The following GPC6 variants were observed in gnomAD, a reference collection of about 807,000 sequenced individuals.
GPC6 encodes glypican-6.
In GPC6, 14 loss-of-function variants were observed where a neutral mutation model predicts 55.2. The observed-to-expected ratio is 0.25, with a 90% CI of 0.17 to 0.40. The LOEUF (loss-of-function observed/expected upper bound fraction) is 0.40. Among genes scored for constraint, GPC6 ranks in the 10% least tolerant of loss-of-function variants. GPC6 has a pLI of 1.00. For synonymous variants in GPC6, 278 were observed against 259.6 expected, an observed-to-expected ratio of 1.07 and a Z score of -0.68; for missense variants, 641 against 708.5, an observed-to-expected ratio of 0.90 and a Z score of 1.08.
chr13:94,062,640 T>C (rs1884372026), intron 4 of GPC6, among the ~76,000 whole-genome samples: 4 of 152,222 alleles, frequency 2.6e-5, no homozygotes, highest in African/African-American at 9.6e-5. Context: ...TAAATCTTTA[T>C]TATGTACATA....
rs1877916605 is a variant in GPC6, at chr13:93,444,322, A to AC, written c.161-100940dup. ...GAAATTGAAAAATTAACTCATCATC[A>AC]CGCTACCCTGGCGCCGTGTCTCACG... On this transcript the variant is annotated intron_variant, in intron 1 of 8. Coordinates refer to ENST00000377047, the MANE Select transcript of GPC6 (RefSeq NM_005708.5). 2.0e-5 allele frequency among the ~76,000 whole-genome samples: 3 copies of AC among 151,602 alleles called. No homozygotes were observed. The South Asian group carries it at 6.2e-4, about 32-fold the overall frequency.
chr13:94,367,785 T>C (rs534715664), intron 6 of GPC6, among the ~76,000 whole-genome samples: 2 of 150,992 alleles, frequency 1.3e-5, no homozygotes, highest in South Asian at 4.2e-4. Flanking sequence ...CACTTCCTAC[T>C]TTTTTAAAAT....
intron 4 of GPC6, among the ~76,000 whole-genome samples, chr13:94,099,620 T>A (rs1885783679): frequency 6.6e-6 from 1 of 152,226 alleles, no homozygotes; most frequent in African/African-American, 2.4e-5. Context: ...CTTACTTTTA[T>A]AAATGCATTG....
chr13:94,096,980 C>T (rs1885681542), intron 4 of GPC6, among the ~76,000 whole-genome samples: 1 of 150,458 alleles, frequency 6.6e-6, no homozygotes, highest in African/African-American at 2.5e-5. Flanking sequence ...CACAGTGATT[C>T]ATTTGATAAA....
chr13:93,468,152 A>G (rs1032632117), intron 1 of GPC6, among the ~76,000 whole-genome samples: 3 of 152,192 alleles, frequency 2.0e-5, no homozygotes, highest in African/African-American at 7.2e-5. Flanking sequence ...AAAACTCTTT[A>G]GTAGAGTCAT....
At chr13:93,769,081 A>G (rs1190128349) in intron 2 of GPC6, among the ~76,000 whole-genome samples, 1 of 152,160 alleles carries the variant, frequency 6.6e-6, no homozygotes. Flanking sequence ...TGTAAATCAC[A>G]TGGGATTTTT....
In GPC6 at chr13:93,510,983, A is replaced by ATG. The variant is rs750512690; in HGVS notation, c.161-34276_161-34275dup. Among the ~76,000 whole-genome samples the ATG allele has an allele frequency of 7.0e-4, 26 of 37,034 alleles. 2 individuals carry two copies. Among genetic ancestry groups the ATG allele is most frequent in the Admixed American group, 4.0e-3 (8 of 2,010 alleles). The allele number at this position is 37,034 out of a possible 152,430, so 24.3% of individuals were successfully genotyped here. On this transcript the variant is annotated intron_variant, in intron 1 of 8. Coordinates refer to ENST00000377047, the MANE Select transcript of GPC6 (RefSeq NM_005708.5). Reference sequence around the variant, plus strand: ...TATATATATATATGTGTATATATATATGTGTATATATATATATATATATTC... The same window carrying ATG: ...TATATATATATATGTGTATATATATATGTGTGTATATATATATATATATATTC...
Position 94,208,400 on chromosome 13 carries a change from T to C in GPC6, c.878-77949T>C, listed in dbSNP as rs564567584. Among the ~76,000 whole-genome samples the C allele has an allele frequency of 5.9e-5, 9 of 152,244 alleles. 1 individual carries two copies. Among genetic ancestry groups the C allele is most frequent in the African/African-American group, 2.2e-4 (9 of 41,552 alleles). On this transcript the variant is annotated intron_variant, in intron 4 of 8. Coordinates refer to ENST00000377047, the MANE Select transcript of GPC6 (RefSeq NM_005708.5). ...AAGCACTCCATAATGTTAGCCCTTA[T>C]TATAGTTTTCAGAAGGAGGAACAGC...
intron 2 of GPC6, among the ~76,000 whole-genome samples, chr13:93,802,178 A>C (rs906253401): frequency 6.6e-6 from 1 of 152,162 alleles, no homozygotes; most frequent in African/African-American, 2.4e-5. Context: ...TTTTATCATT[A>C]TACAGTTTAT....
chr13:93,686,609 G>A (rs558706252), intron 2 of GPC6, among the ~76,000 whole-genome samples: 7 of 152,170 alleles, frequency 4.6e-5, no homozygotes, highest in African/African-American at 1.7e-4. Flanking sequence ...ACCATTGACT[G>A]CCTAGAACTT....
chr13:94,353,091 T>A (rs1018921011), intron 6 of GPC6, among the ~76,000 whole-genome samples: 1 of 152,100 alleles, frequency 6.6e-6, no homozygotes, highest in Non-Finnish European at 1.5e-5. Context: ...CCTTCCTTCC[T>A]CAGTGCTAAG....
chr13:93,880,479 A>G (rs541578058), intron 3 of GPC6, among the ~76,000 whole-genome samples: 69 of 151,898 alleles, frequency 4.5e-4, no homozygotes, highest in Non-Finnish European at 9.4e-4. Context: ...AAAACCAAAC[A>G]CCGCATATTC....
chr13:93,703,522 A>G (rs1302014508), intron 2 of GPC6, among the ~76,000 whole-genome samples: 1 of 152,002 alleles, frequency 6.6e-6, no homozygotes, highest in African/African-American at 2.4e-5. Flanking sequence ...AAAATTCAAT[A>G]TCTGCATAGT....
intron 3 of GPC6, among the ~76,000 whole-genome samples, chr13:93,999,141 A>T (rs1881686958): frequency 1.3e-5 from 2 of 152,096 alleles, no homozygotes; most frequent in Non-Finnish European, 2.9e-5. Context: ...CAACCCCGTC[A>T]CCTACATTAG....
intron 4 of GPC6, among the ~76,000 whole-genome samples, chr13:94,217,338 C>A (rs1890255831): frequency 6.6e-6 from 1 of 152,154 alleles, no homozygotes; most frequent in Non-Finnish European, 1.5e-5. Flanking sequence ...TCTTTCTGAG[C>A]CTTAAATCAA....
chr13:94,238,937 A>C (rs550715119), intron 4 of GPC6, among the ~76,000 whole-genome samples: 130 of 152,292 alleles, frequency 8.5e-4, no homozygotes, highest in African/African-American at 3.0e-3. Context: ...AACACAACTT[A>C]AAAGGTGGGA....
In GPC6 at chr13:94,298,040, A is replaced by T. The variant is rs796720393; in HGVS notation, c.1009-7940A>T. On this transcript the variant is annotated intron_variant, in intron 5 of 8. Coordinates refer to ENST00000377047, the MANE Select transcript of GPC6 (RefSeq NM_005708.5). ...CCCGTAAAAAATTACCACACTAATT[A>T]AAAAAAAAACTGACATTTAAAATGC... Among the ~76,000 whole-genome samples the T allele has an allele frequency of 5.4e-5, 8 of 149,300 alleles. No homozygotes were observed. In the South Asian group the frequency reaches 6.4e-4, roughly 12 times the overall value.
chr13:94,041,845 T>C (rs946703151), intron 4 of GPC6, among the ~76,000 whole-genome samples: 1 of 151,908 alleles, frequency 6.6e-6, no homozygotes, highest in African/African-American at 2.4e-5. Context: ...TGTTTCAAAA[T>C]GATTTTCAAC....
chr13:93,531,696 A>G (rs1205019053), intron 1 of GPC6, among the ~76,000 whole-genome samples: 1 of 152,224 alleles, frequency 6.6e-6, no homozygotes, highest in African/African-American at 2.4e-5. Flanking sequence ...CAGAAGAAAT[A>G]CTAAACATTT....
Sources: gnomAD v4.1 joint callset for allele counts (sites outside exome capture counted in the v4.1 genomes callset) on GRCh38, gnomAD v4.1.1 for gene constraint, MANE v1.5 for transcripts, NCBI Gene and HGNC (gene_info 2026-07-23, HGNC 2026-07-21) for gene names.